The following AHDC1 variants were observed in gnomAD, a reference collection of about 807,000 sequenced individuals.
The protein encoded by AHDC1 is transcription factor Gibbin.
AHDC1 carries 7 observed loss-of-function variants against 87.9 expected under a neutral mutation model. The observed-to-expected ratio is 0.08, with a 90% CI of 0.05 to 0.15. The LOEUF (loss-of-function observed/expected upper bound fraction) is 0.15. AHDC1 is among the 10% of genes least tolerant of loss of function. The pLI, the probability that AHDC1 is intolerant of heterozygous loss-of-function variation, is 1.00. For synonymous variants in AHDC1, 1,051 were observed against 1,006.8 expected (o/e 1.04, Z -0.83); for missense variants, 1,841 against 2,253.2 (o/e 0.82, Z 3.70).
In AHDC1 at chr1:27,550,604, C is replaced by T. The variant is rs750431131; in HGVS notation, c.1512G>A (p.Val504=). ...CGCGCAGGCCCAGCTCCTTGCCCTC[C>T]ACGCTCAGGCTGCTGCTCAAGGAAG... ...KVSSLSSSLS[V]EGKELGLRVS... is the part of the protein sequence containing the mutation. Residue 504 remains valine, a synonymous_variant, in exon 8 of 9, where the codon GTG becomes GTA. Coordinates refer to ENST00000673934, the MANE Select transcript of AHDC1 (RefSeq NM_001371928.1). The T allele has an allele frequency of 5.6e-6, 9 of 1,613,686 alleles. No individual in the cohort carries two copies. In the African/African-American group the frequency reaches 1.1e-4, roughly 19 times the overall value.
intron 3 of AHDC1, among the ~76,000 whole-genome samples, chr1:27,566,846 AG>A (rs111600412): frequency 1.4e-5 from 1 of 72,930 alleles, no homozygotes; most frequent in Admixed American, 1.6e-4. Context: ...CTGTCGAGGG[AG>A]GGGGGCCTGT....
rs541360259 is a variant in AHDC1 at position 27,542,761 on chromosome 1, G to A, written c.*43+4500C>T. 2.1e-4 allele frequency among the ~76,000 whole-genome samples: 32 copies of A among 152,232 alleles called. 1 individual carries two copies. Among genetic ancestry groups the A allele is most frequent in the Non-Finnish European group, 4.0e-4 (27 of 68,050 alleles). ...CAGTTCCGTGGCCCTGCTCTGGGAC[G>A]TGGGAAGATAAGAAAGAAGAAGGGT... is the stretch of plus-strand genomic sequence containing the variant. On this transcript the variant is annotated intron_variant, in intron 8 of 8. Transcript: ENST00000673934.
intron 3 of AHDC1, among the ~76,000 whole-genome samples, chr1:27,600,139 TTC>T (rs1269305955): frequency 2.0e-5 from 3 of 151,846 alleles, no homozygotes; most frequent in Admixed American, 6.5e-5. Context: ...GTCTCCATCT[TTC>T]TCTCTCTTCA....
intron 3 of AHDC1, among the ~76,000 whole-genome samples, chr1:27,567,115 C>T (rs1322563197): frequency 1.3e-5 from 2 of 152,128 alleles, no homozygotes; most frequent in Non-Finnish European, 2.9e-5. Flanking sequence ...TTCCTGCATG[C>T]GCCTCAGGCT....
In AHDC1 at chr1:27,551,974, G is replaced by A. The variant is rs976797773; in HGVS notation, c.142C>T (p.Pro48Ser). The change falls in exon 8 of 9, where the codon CCT (proline) becomes TCT (serine). Residue 48 changes from proline (P) to serine (S), a missense_variant. By Grantham distance (74) the Pro-to-Ser change is moderately conservative. Coordinates refer to ENST00000673934, the MANE Select transcript of AHDC1 (RefSeq NM_001371928.1). ...GCGTGGGTGGAGAAGGCCTTGTCAG[G>A]TGGGCTGGCAGGGGGCCGGGTGGGA... is the stretch of plus-strand genomic sequence containing the variant. ...LLPTRPPASP[P>S]DKAFSTHAFS... 2 of 1,504,004 alleles carry A rather than the reference G, an allele frequency of 1.3e-6. No individual in the cohort carries two copies. The highest frequency in any genetic ancestry group is 1.4e-5 in the African/African-American group (1 of 70,956). The allele number at this position is 1,504,004 out of a possible 1,614,324, so 93.2% of individuals were successfully genotyped here.
rs1274162534 is a variant in AHDC1, at chr1:27,568,405, TGAGGAGCTTCACGGGAGCA to T, written c.-628-9541_-628-9523del. On this transcript the variant is annotated intron_variant, in intron 3 of 8. Coordinates refer to ENST00000673934, the MANE Select transcript of AHDC1 (RefSeq NM_001371928.1). ...GGAGCACTCCAGGAGAGAGGTCTTGTGAGGAGCTTCACGGGAGCAGAGCAGCTCGGTCTCAGGTCGCTCG... is the reference window on the plus strand; with the variant it reads ...GGAGCACTCCAGGAGAGAGGTCTTGTGAGCAGCTCGGTCTCAGGTCGCTCG... The T allele has an allele frequency of 3.3e-5, 5 of 152,176 alleles. No individual in the cohort carries two copies. In the East Asian group the frequency reaches 9.7e-4, roughly 29 times the overall value. The allele number at this position is 152,176 out of a possible 1,614,324, so 9.4% of individuals were successfully genotyped here.
At chr1:27,540,411 CA>C (rs994738459) in intron 8 of AHDC1, among the ~76,000 whole-genome samples, 1 of 147,970 alleles carries the variant, frequency 6.8e-6, no homozygotes, top group African/African-American at 2.5e-5. Flanking sequence ...AAAAAAAAAA[CA>C]AAAAAACCTG....
At chr1:27,567,806 A>C (rs75697999) in intron 3 of AHDC1, among the ~76,000 whole-genome samples, 5,786 of 152,108 alleles carry the variant, frequency 0.038, 382 homozygotes, top group African/African-American at 0.13. Flanking sequence ...CTCCCTCTTC[A>C]CAGAAGTTGG....
chr1:27,591,281 G>C (rs1424485272), intron 3 of AHDC1, among the ~76,000 whole-genome samples: 2 of 152,190 alleles, frequency 1.3e-5, no homozygotes, highest in Non-Finnish European at 2.9e-5. Flanking sequence ...TGGGGCCCAG[G>C]AGGAGGTAGC....
chr1:27,563,826 G>A lies in AHDC1; in HGVS notation c.-628-4943C>T, dbSNP rs2020206178. 6.6e-6 allele frequency among the ~76,000 whole-genome samples: 1 copy of A among 151,866 alleles called. No homozygotes were observed. Among genetic ancestry groups the A allele is most frequent in the Non-Finnish European group, 1.5e-5 (1 of 67,956 alleles). ...GGGGAGGAAGCTGCCTGGACACACT[G>A]ACTACCTGGAAATGCCACCTCCCCC... On this transcript the variant is annotated intron_variant, in intron 3 of 8. Coordinates refer to ENST00000673934, the MANE Select transcript of AHDC1 (RefSeq NM_001371928.1). The surrounding 1 kb of genome is among the most constrained non-coding windows in gnomAD (Gnocchi z 6.1).
At chr1:27,536,735 A>G (rs1375176767) in intron 8 of AHDC1, among the ~76,000 whole-genome samples, 1 of 152,054 alleles carries the variant, frequency 6.6e-6, no homozygotes, top group Non-Finnish European at 1.5e-5. Context: ...TGACAAGGGA[A>G]GGGGACTTTA....
rs2089353214 is a variant in AHDC1, at chr1:27,595,755, C to CT, written c.-629+7641_-629+7642insA. Among the ~76,000 whole-genome samples, 1 of 151,862 alleles carries CT rather than the reference C, an allele frequency of 6.6e-6. No individual in the cohort carries two copies. Among genetic ancestry groups the CT allele is most frequent in the Non-Finnish European group, 1.5e-5 (1 of 67,974 alleles). On this transcript the variant is annotated intron_variant, in intron 3 of 8. Transcript: ENST00000673934. This position sits in a 1 kb window ranked among gnomAD's most constrained non-coding sequence, Gnocchi z 4.0. The stretch of plus-strand genomic sequence containing the variant: ...CAGAGATGTGCCACAGGCTATCGTC[C>CT]GTGCATGCACAGGTATGAGGGCTGT...
chr1:27,545,282 C>A (rs1571219843), intron 8 of AHDC1, among the ~76,000 whole-genome samples: 1 of 152,210 alleles, frequency 6.6e-6, no homozygotes, highest in East Asian at 1.9e-4. Context: ...ACTGTGGTGC[C>A]CCCAATGCCT....
At position 27,560,918 on chromosome 1, in the gene AHDC1, T is replaced by C. The variant is rs1306551839; in HGVS notation, c.-628-2035A>G. On this transcript the variant is annotated intron_variant, in intron 3 of 8. Coordinates refer to ENST00000673934, the MANE Select transcript of AHDC1 (RefSeq NM_001371928.1). The surrounding 1 kb of genome is among the most constrained non-coding windows in gnomAD (Gnocchi z 4.1). The stretch of plus-strand genomic sequence containing the variant: ...CGGTGTGTGTGTGTCTGTGTCACTG[T>C]GTTTGTGTGTGCCTGCTTCCCTCTT... Among the ~76,000 whole-genome samples, 3 of 152,036 alleles carry C rather than the reference T, an allele frequency of 2.0e-5. No individual in the cohort carries two copies. Among genetic ancestry groups the C allele is most frequent in the Non-Finnish European group, 2.9e-5 (2 of 67,998 alleles).
intron 3 of AHDC1, among the ~76,000 whole-genome samples, chr1:27,570,840 C>G (rs766517728): frequency 1.3e-5 from 2 of 152,098 alleles, no homozygotes; most frequent in African/African-American, 2.4e-5. Flanking sequence ...TCTTGGCTCC[C>G]CCTTTCCATT....
At chr1:27,587,721 T>TC (rs2089101085) in intron 3 of AHDC1, among the ~76,000 whole-genome samples, 2 of 152,022 alleles carry the variant, frequency 1.3e-5, no homozygotes, top group African/African-American at 2.4e-5. Context: ...TCATCTGATG[T>TC]CCCCCCATGT....
rs2148284443 is a variant in AHDC1, at chr1:27,550,401, G to A, written c.1715C>T (p.Ala572Val). The change falls in exon 8 of 9, where the codon GCC becomes GTC. Residue 572 changes from alanine (A) to valine (V), a missense_variant. This residue lies in a region of AHDC1 where 84 missense variants were observed against 111.7 expected (regional missense o/e 0.75). Coordinates refer to ENST00000673934, the MANE Select transcript of AHDC1 (RefSeq NM_001371928.1). ...GGCCATGGTGGCCGCTGCCACAGTG[G>A]CTGCCTCGGCCGCCACCACAGCTGG... Reference protein sequence around the residue: ...KEPAVVAAEAATVAAATMAMP... With the variant: ...KEPAVVAAEAVTVAAATMAMP... 2 of 1,611,908 alleles carry A rather than the reference G, an allele frequency of 1.2e-6. No individual in the cohort carries two copies. The highest frequency in any genetic ancestry group is 2.2e-5 in the South Asian group (2 of 91,050).
At chr1:27,570,454 A>G (rs1163217053) in intron 3 of AHDC1, among the ~76,000 whole-genome samples, 1 of 152,040 alleles carries the variant, frequency 6.6e-6, no homozygotes, top group African/African-American at 2.4e-5. Context: ...AGGGCTGGGC[A>G]AAGAACCAAG....
chr1:27,539,779 A>G (rs962219864), intron 8 of AHDC1, among the ~76,000 whole-genome samples: 1 of 152,142 alleles, frequency 6.6e-6, no homozygotes. Flanking sequence ...ACTACTGACC[A>G]GAGGTGCTCC....
Sources: gnomAD v4.1 joint callset for allele counts (sites outside exome capture counted in the v4.1 genomes callset) on GRCh38, gnomAD v4.1.1 for gene constraint, gnomAD v4.1.1 regional missense constraint, Gnocchi (gnomAD v3.1) non-coding constraint, MANE v1.5 for transcripts, NCBI Gene and HGNC (gene_info 2026-07-23, HGNC 2026-07-21) for gene names.